Variants in SNX30 observed in about 807,000 individuals in gnomAD.
SNX30 encodes sorting nexin-30.
A neutral mutation model predicts 46.4 loss-of-function variants in SNX30; 24 were observed. The ratio of observed to expected loss-of-function variants is 0.52; its 90% confidence interval spans 0.37 to 0.73. The LOEUF is 0.73. Among genes scored for constraint, SNX30 ranks in the 30% least tolerant of loss-of-function variants. SNX30 has a pLI of 0.00. For synonymous variants in SNX30, 189 were observed against 211.5 expected (o/e 0.89, Z 0.92); for missense variants, 533 against 555.7 (o/e 0.96, Z 0.41).
rs1564299297 is a variant in SNX30, at chr9:112,869,705, T to TATA, written c.*862_*863insATA. On this transcript the variant is annotated 3_prime_UTR_variant, in exon 9 of 9. Coordinates refer to ENST00000374232, the MANE Select transcript of SNX30 (RefSeq NM_001012994.2). The stretch of plus-strand genomic sequence containing the variant: ...ATTAGACCTGTTAGGGAATATCTAT[T>TATA]GTCTTGAAGTCAGAGTAGCTCCCCA... The TATA allele has an allele frequency of 6.6e-6, 1 of 152,018 alleles. No individual in the cohort carries two copies. The highest frequency in any genetic ancestry group is 1.5e-5 in the Non-Finnish European group (1 of 68,002). 9.4% of individuals were successfully genotyped at this position (152,018 alleles called of 1,614,324 possible).
chr9:112,771,074 C>A (rs787288), intron 1 of SNX30, among the ~76,000 whole-genome samples: 5 of 152,036 alleles, frequency 3.3e-5, no homozygotes, highest in African/African-American at 7.3e-5. Flanking sequence ...CCCCCTTTAC[C>A]TGGCTTTAAT....
rs1371576256 is a variant in SNX30 at position 112,750,920 on chromosome 9, G to C, written c.-82G>C. The stretch of plus-strand genomic sequence containing the variant: ...TCGGGTTAAGCGGCGGCCGAGCGGG[G>C]CTCGGCCCGGGGTGCTCGGGGAGCT... On this transcript the variant is annotated 5_prime_UTR_variant, in exon 1 of 9. Transcript: ENST00000374232. 2 of 1,139,374 alleles carry C rather than the reference G, an allele frequency of 1.8e-6. No homozygotes were observed. The highest frequency in any genetic ancestry group is 3.3e-5 in the African/African-American group (2 of 61,038). 70.6% of individuals were successfully genotyped at this position (1,139,374 alleles called of 1,614,324 possible). A position where few individuals can be genotyped will look rare whatever the true frequency, so the allele number is the denominator to read the frequency against.
At chr9:112,804,417 G>T (rs1031189868) in intron 1 of SNX30, among the ~76,000 whole-genome samples, 1 of 152,132 alleles carries the variant, frequency 6.6e-6, no homozygotes, top group Non-Finnish European at 1.5e-5. Context: ...CACCTGTCTC[G>T]GCCTCCCAAA....
intron 1 of SNX30, among the ~76,000 whole-genome samples, chr9:112,757,927 A>G (rs1839376666): frequency 6.6e-6 from 1 of 152,172 alleles, no homozygotes; most frequent in African/African-American, 2.4e-5. Flanking sequence ...GGTTTCAGCC[A>G]CAGCTGGGGC....
At chr9:112,773,198 G>A (rs1234084232) in intron 1 of SNX30, among the ~76,000 whole-genome samples, 1 of 152,134 alleles carries the variant, frequency 6.6e-6, no homozygotes, top group African/African-American at 2.4e-5. Context: ...ATCACTTACT[G>A]GCTGGCAATC....
At position 112,762,591 on chromosome 9, in the gene SNX30, G is replaced by A. The variant is rs527954374; in HGVS notation, c.156+11434G>A. 1.4e-4 allele frequency among the ~76,000 whole-genome samples: 22 copies of A among 152,242 alleles called. No individual in the cohort carries two copies. The South Asian group carries it at 3.9e-3, about 27-fold the overall frequency. The stretch of plus-strand genomic sequence containing the variant: ...CTCTGTTTCCCCTATCTAAAATTGG[G>A]ATTATCTTACAGGGGGATTCTGAAG... On this transcript the variant is annotated intron_variant, in intron 1 of 8. Transcript: ENST00000374232.
In SNX30 at chr9:112,836,392, T is replaced by A; in HGVS notation, c.797T>A (p.Ile266Asn). The change falls in exon 5 of 9, where the codon ATC (isoleucine) becomes AAC (asparagine). Residue 266 changes from isoleucine to asparagine, a missense_variant. By Grantham distance (149) the Ile-to-Asn change is moderately radical (BLOSUM62 -3). This residue lies in a region of SNX30 where 261 missense variants were observed against 270.9 expected (regional missense o/e 0.96). Transcript: ENST00000374232. ...LGTIDRIAQR[I>N]IKEEIEYLVE... ...ACCATTGATCGAATAGCCCAGCGGA[T>A]CATCAAAGAAGAAATAGGTGAGCTG... 1 of 1,595,084 alleles carries A rather than the reference T, an allele frequency of 6.3e-7. No individual in the cohort carries two copies. Among genetic ancestry groups the A allele is most frequent in the Non-Finnish European group, 8.6e-7 (1 of 1,163,804 alleles).
At chr9:112,876,748 CCAA>C (rs980332740), downstream of SNX30, among the ~76,000 whole-genome samples, 28 of 151,634 alleles carry the variant, frequency 1.8e-4, no homozygotes, top group African/African-American at 6.8e-4. Flanking sequence ...ACCGGCCTAG[CCAA>C]CATGGCGAAA....
intron 7 of SNX30, among the ~76,000 whole-genome samples, chr9:112,853,468 T>C (rs572660085): frequency 6.6e-6 from 1 of 152,264 alleles, no homozygotes; most frequent in Non-Finnish European, 1.5e-5. Context: ...CAGTCTCATT[T>C]AAAGGAATGA....
intron 6 of SNX30, among the ~76,000 whole-genome samples, chr9:112,847,603 T>TA (rs1405822374): frequency 6.6e-6 from 1 of 152,232 alleles, no homozygotes; most frequent in Non-Finnish European, 1.5e-5. Context: ...TCTTAAATAT[T>TA]AAAAAATCCT....
chr9:112,816,282 A>G (rs1840395089), intron 2 of SNX30, among the ~76,000 whole-genome samples: 1 of 152,188 alleles, frequency 6.6e-6, no homozygotes, highest in South Asian at 2.1e-4. Flanking sequence ...GGATGGGAGT[A>G]TCAGGCCACT....
intron 2 of SNX30, among the ~76,000 whole-genome samples, chr9:112,811,659 CTA>C (rs762113625): frequency 1.3e-5 from 2 of 152,314 alleles, no homozygotes; most frequent in Non-Finnish European, 2.9e-5. Context: ...GCCTTCTTGA[CTA>C]TGATTCTTGT....
At chr9:112,773,509 T>G (rs1422383949) in intron 1 of SNX30, among the ~76,000 whole-genome samples, 1 of 152,140 alleles carries the variant, frequency 6.6e-6, no homozygotes, top group Non-Finnish European at 1.5e-5. Flanking sequence ...CCCAAGTAGC[T>G]AAGACTTACA....
intron 1 of SNX30, among the ~76,000 whole-genome samples, chr9:112,768,925 G>A (rs914653471): frequency 3.3e-5 from 5 of 152,188 alleles, no homozygotes; most frequent in Admixed American, 3.3e-4. Flanking sequence ...AAAGTGCTGG[G>A]ACTACAGGCG....
intron 7 of SNX30, among the ~76,000 whole-genome samples, chr9:112,857,278 G>A (rs10981531): frequency 0.076 from 11,497 of 152,252 alleles, 464 homozygotes; most frequent in Non-Finnish European, 0.093. Context: ...AATTAAAAAA[G>A]CATTCATTCA....
At chr9:112,861,812 CTG>C (rs1483788647) in intron 7 of SNX30, among the ~76,000 whole-genome samples, 1 of 152,238 alleles carries the variant, frequency 6.6e-6, no homozygotes, top group Non-Finnish European at 1.5e-5. Flanking sequence ...CATCTCACAT[CTG>C]TCATCTTTAA....
intron 1 of SNX30, among the ~76,000 whole-genome samples, chr9:112,765,524 C>T (rs74307741): frequency 6.6e-6 from 1 of 152,158 alleles, no homozygotes; most frequent in East Asian, 1.9e-4. Context: ...CTGGACATTT[C>T]ATATAAATGG....
chr9:112,865,300 A>G (rs1451915646), intron 8 of SNX30, among the ~76,000 whole-genome samples: 1 of 151,874 alleles, frequency 6.6e-6, no homozygotes, highest in African/African-American at 2.4e-5. Flanking sequence ...AGTCCCCTCA[A>G]TCAAGGTTTG....
chr9:112,810,308 G>A (rs972739316), intron 2 of SNX30, among the ~76,000 whole-genome samples: 1 of 152,156 alleles, frequency 6.6e-6, no homozygotes, highest in East Asian at 1.9e-4. Context: ...GTGTCTGTCC[G>A]TGTGTTTGCT....
Sources: gnomAD v4.1 joint callset for allele counts (sites outside exome capture counted in the v4.1 genomes callset) on GRCh38, gnomAD v4.1.1 for gene constraint, gnomAD v4.1.1 regional missense constraint, MANE v1.5 for transcripts, NCBI Gene and HGNC (gene_info 2026-07-23, HGNC 2026-07-21) for gene names.